The following TBC1D22A variants were observed in gnomAD, a reference collection of about 807,000 sequenced individuals.
TBC1D22A encodes the protein putative GTPase activator.
Under a neutral mutation model 60.2 loss-of-function variants are expected in TBC1D22A, and 38 were observed. The ratio of observed to expected loss-of-function variants is 0.63; its 90% CI spans 0.49 to 0.83. The LOEUF is 0.83. Ranked by LOEUF, TBC1D22A falls within the 40% of genes least tolerant of loss-of-function variation. The pLI, the probability that TBC1D22A is intolerant of heterozygous loss-of-function variation, is 0.00. For missense variants in TBC1D22A, 628 were observed against 701.0 expected (o/e 0.90, Z 1.18); for synonymous variants, 302 against 281.7 (o/e 1.07, Z -0.72).
chr22:47,034,188 C>T (rs1439939634), intron 10 of TBC1D22A, among the ~76,000 whole-genome samples: 3 of 152,182 alleles, frequency 2.0e-5, no homozygotes, highest in East Asian at 1.9e-4. Context: ...GTTAAGTGAG[C>T]AACACGCTGG....
intron 12 of TBC1D22A, among the ~76,000 whole-genome samples, chr22:47,157,945 G>A (rs1346344248): frequency 6.6e-6 from 1 of 152,226 alleles, no homozygotes; most frequent in African/African-American, 2.4e-5. Flanking sequence ...CAGGTGCTCG[G>A]TGGCTGGATG....
chr22:46,806,145 C>T (rs960939662), intron 4 of TBC1D22A, among the ~76,000 whole-genome samples: 5 of 152,196 alleles, frequency 3.3e-5, no homozygotes, highest in African/African-American at 1.2e-4. Context: ...GCCACCGCGC[C>T]CGGCCTCCAA....
chr22:47,013,681 G>T (rs2061821644), intron 10 of TBC1D22A, among the ~76,000 whole-genome samples: 1 of 152,150 alleles, frequency 6.6e-6, no homozygotes, highest in South Asian at 2.1e-4. Flanking sequence ...TATTTTGATG[G>T]GGTCATTTTC....
chr22:47,160,468 G>A (rs1324519662), intron 12 of TBC1D22A, among the ~76,000 whole-genome samples: 1 of 152,188 alleles, frequency 6.6e-6, no homozygotes, highest in Non-Finnish European at 1.5e-5. Flanking sequence ...GGTAGCTGAC[G>A]CAGCTGCAGC....
intron 8 of TBC1D22A, among the ~76,000 whole-genome samples, chr22:46,962,010 C>T (rs917087142): frequency 6.6e-6 from 1 of 152,224 alleles, no homozygotes; most frequent in African/African-American, 2.4e-5. Flanking sequence ...TCGTCAGTGG[C>T]AGGTGGTTGA....
At chr22:46,963,974 G>A (rs1412333813) in intron 8 of TBC1D22A, among the ~76,000 whole-genome samples, 2 of 152,234 alleles carry the variant, frequency 1.3e-5, no homozygotes, top group Non-Finnish European at 2.9e-5. Context: ...ACGTTTTCAT[G>A]GGGTGCTGAG....
intron 3 of TBC1D22A, among the ~76,000 whole-genome samples, chr22:46,796,928 G>A (rs547240017): frequency 6.6e-6 from 1 of 152,340 alleles, no homozygotes; most frequent in East Asian, 1.9e-4. Flanking sequence ...GGTTGGGCAC[G>A]CTCTTGAGAT....
intron 9 of TBC1D22A, among the ~76,000 whole-genome samples, chr22:46,988,202 C>G (rs181713027): frequency 2.6e-5 from 4 of 152,322 alleles, no homozygotes; most frequent in African/African-American, 9.6e-5. Flanking sequence ...ATTCTGTTGT[C>G]TATTTCCACC....
intron 9 of TBC1D22A, among the ~76,000 whole-genome samples, chr22:46,991,726 G>C (rs136135): frequency 2.0e-5 from 3 of 152,018 alleles, no homozygotes; most frequent in African/African-American, 7.2e-5. Context: ...CATTACCTGC[G>C]TTTGAGAGCA....
rs548112457 is a variant in TBC1D22A, at chr22:46,944,808, C to T, written c.1016-29482C>T. 8.5e-5 allele frequency among the ~76,000 whole-genome samples: 13 copies of T among 152,220 alleles called. No individual in the cohort carries two copies. The East Asian group carries it at 1.3e-3, about 16-fold the overall frequency. On this transcript the variant is annotated intron_variant, in intron 8 of 12. Coordinates refer to ENST00000337137, the MANE Select transcript of TBC1D22A (RefSeq NM_014346.5). ...TACAATGAAGATACTTTTATTTTAT[C>T]GTGATTACTCTTTTGCCTTTTTTGT... is the stretch of plus-strand genomic sequence containing the variant.
Position 46,923,344 on chromosome 22 carries a change from A to G in TBC1D22A, c.1015+11156A>G, listed in dbSNP as rs953970754. On this transcript the variant is annotated intron_variant, in intron 8 of 12. Transcript: ENST00000337137. ...CTCTGCTCCCAAGAGACCAGTGGCT[A>G]TCTGCATGGGGAGAGTCCTGGGCTC... Among the ~76,000 whole-genome samples the G allele has an allele frequency of 5.3e-5, 8 of 152,328 alleles. No homozygotes were observed. In the South Asian group the frequency reaches 1.4e-3, roughly 28 times the overall value.
At chr22:47,128,729 C>T in intron 12 of TBC1D22A, among the ~76,000 whole-genome samples, 1 of 152,202 alleles carries the variant, frequency 6.6e-6, no homozygotes, top group East Asian at 1.9e-4. Context: ...CCCTGCTTGA[C>T]CCAGTGGCCA....
At chr22:47,144,752 C>T (rs55745993) in intron 12 of TBC1D22A, among the ~76,000 whole-genome samples, 3 of 115,754 alleles carry the variant, frequency 2.6e-5, no homozygotes, top group Non-Finnish European at 5.5e-5. Flanking sequence ...GGCTGAGATC[C>T]TGGGACTGGG....
intron 10 of TBC1D22A, among the ~76,000 whole-genome samples, chr22:47,004,855 A>G (rs573276370): frequency 7.2e-5 from 11 of 151,800 alleles, no homozygotes; most frequent in Non-Finnish European, 1.5e-4. Context: ...TACTGTACAT[A>G]CACACACCCC....
intron 1 of TBC1D22A, 115 bp downstream of exon 1, chr22:46,762,963 A>G: frequency 2.1e-6 from 2 of 959,470 alleles, no homozygotes; most frequent in Non-Finnish European, 2.9e-6. Flanking sequence ...TTGGACTCTG[A>G]GGAGACTGCT....
At chr22:47,055,909 ACTGAGGGTTGGTGAGATACG>A (rs1334227822) in intron 11 of TBC1D22A, among the ~76,000 whole-genome samples, 103 of 152,126 alleles carry the variant, frequency 6.8e-4, no homozygotes, top group Non-Finnish European at 1.2e-3. Flanking sequence ...GAGATACGCC[ACTGAGGGTTGGTGAGATACG>A]CCATTGAGGG....
intron 12 of TBC1D22A, among the ~76,000 whole-genome samples, chr22:47,134,671 C>T (rs556464536): frequency 6.9e-6 from 1 of 145,728 alleles, no homozygotes; most frequent in East Asian, 2.2e-4. Flanking sequence ...CACGAGGCTG[C>T]GTCCTCTTGT....
At position 46,827,994 on chromosome 22, in the gene TBC1D22A, A is replaced by G. The variant is rs116914314; in HGVS notation, c.637+30374A>G. Among the ~76,000 whole-genome samples, 406 of 152,304 alleles carry G rather than the reference A, an allele frequency of 2.7e-3. 9 individuals carry two copies. In the East Asian group the frequency reaches 0.05, roughly 19 times the overall value. On this transcript the variant is annotated intron_variant, in intron 4 of 12. Coordinates refer to ENST00000337137, the MANE Select transcript of TBC1D22A (RefSeq NM_014346.5). ...GTGTTGTTAGGCCTGTGCGTCGTGC[A>G]GTGTAATTTCCCCACAAGGTGTCAC...
chr22:47,142,639 A>ACCATCCAT (rs1264614769), intron 12 of TBC1D22A, among the ~76,000 whole-genome samples: 1 of 112,950 alleles, frequency 8.9e-6, no homozygotes, highest in African/African-American at 3.6e-5. Context: ...TCACCTGCCC[A>ACCATCCAT]CCATCCATCC....
Sources: gnomAD v4.1 joint callset for allele counts (sites outside exome capture counted in the v4.1 genomes callset) on GRCh38, gnomAD v4.1.1 for gene constraint, MANE v1.5 for transcripts, NCBI Gene and HGNC (gene_info 2026-07-23, HGNC 2026-07-21) for gene names.